The following LRRC8C variants were observed in gnomAD, a reference collection of about 807,000 sequenced individuals.
The protein encoded by LRRC8C is volume-regulated anion channel subunit LRRC8C.
A neutral mutation model predicts 55.3 loss-of-function variants in LRRC8C; 20 were observed. The ratio of observed to expected loss-of-function variants is 0.36; its 90% CI spans 0.25 to 0.53. LRRC8C has a LOEUF of 0.53. Ranked by LOEUF, LRRC8C falls within the 20% of genes least tolerant of loss-of-function variation. The pLI, the probability that LRRC8C is intolerant of heterozygous loss-of-function variation, is 0.92. For missense variants in LRRC8C, 659 were observed against 951.4 expected (o/e 0.69, Z 4.04); for synonymous variants, 376 against 360.7 (o/e 1.04, Z -0.48).
intron 2 of LRRC8C, among the ~76,000 whole-genome samples, chr1:89,693,619 A>ATGTTCCTT (rs1312168378): frequency 8.7e-6 from 1 of 115,050 alleles, no homozygotes; most frequent in Non-Finnish European, 1.8e-5. Context: ...CATCTCAGAT[A>ATGTTCCTT]TGTTCCTTTT....
chr1:89,634,344 G>A (rs1025984267), intron 1 of LRRC8C, among the ~76,000 whole-genome samples: 4 of 151,902 alleles, frequency 2.6e-5, no homozygotes, highest in African/African-American at 7.3e-5. Context: ...TGTTTGGCAC[G>A]GGGAGGCTTG....
intron 2 of LRRC8C, among the ~76,000 whole-genome samples, chr1:89,700,741 A>G (rs1164105310): frequency 1.3e-5 from 2 of 152,206 alleles, no homozygotes; most frequent in Admixed American, 6.5e-5. Flanking sequence ...ATTTGAATCA[A>G]TGAGGTGGAG....
the LRRC8C span, among the ~76,000 whole-genome samples, chr1:89,620,744 A>T: frequency 6.6e-6 from 1 of 152,360 alleles, no homozygotes; most frequent in Non-Finnish European, 1.5e-5. Flanking sequence ...ATTTCACAAG[A>T]TCAGGAGATT....
At chr1:89,619,512 A>C in the LRRC8C span, among the ~76,000 whole-genome samples, 1 of 150,108 alleles carries the variant, frequency 6.7e-6, no homozygotes, top group Non-Finnish European at 1.5e-5. Flanking sequence ...ATTATATGTA[A>C]TATTAATTCA....
chr1:89,646,872 G>T (rs10754283), intron 1 of LRRC8C, among the ~76,000 whole-genome samples: 84,669 of 151,806 alleles, frequency 0.56, 24,023 homozygotes, highest in East Asian at 0.79. Context: ...AAGCAACAAC[G>T]AAAAATAATA....
chr1:89,680,169 C>T (rs1371393467), intron 1 of LRRC8C, among the ~76,000 whole-genome samples: 1 of 151,872 alleles, frequency 6.6e-6, no homozygotes, highest in Non-Finnish European at 1.5e-5. Context: ...GCTCCACCTC[C>T]TGGGTTCACA....
the LRRC8C span, among the ~76,000 whole-genome samples, chr1:89,621,887 T>G: frequency 6.6e-6 from 1 of 152,238 alleles, no homozygotes; most frequent in African/African-American, 2.4e-5. Context: ...ATAACTAGAA[T>G]GTCTCCCTAC....
intron 1 of LRRC8C, among the ~76,000 whole-genome samples, chr1:89,639,147 G>A (rs1452169870): frequency 6.6e-6 from 1 of 151,784 alleles, no homozygotes; most frequent in Non-Finnish European, 1.5e-5. Flanking sequence ...CACCACGTCT[G>A]GCTAATTTTT....
At chr1:89,625,002 G>A in the LRRC8C span, 2 of 152,116 alleles carry the variant, frequency 1.3e-5, no homozygotes, top group Admixed American at 1.3e-4. Flanking sequence ...GAGTTCAATG[G>A]ACAGCTGCTT....
intron 1 of LRRC8C, among the ~76,000 whole-genome samples, chr1:89,636,819 G>A (rs1656297343): frequency 6.6e-6 from 1 of 152,058 alleles, no homozygotes; most frequent in Non-Finnish European, 1.5e-5. Flanking sequence ...CACTCCTAAT[G>A]CTATTTTAAA....
rs944924731 is a variant in LRRC8C at position 89,717,038 on chromosome 1, T to C, written c.*2056T>C. ...TAGACCTGGAATTGAAATAATGTGCTCAGAATAATAACATGGTTATAGTTC... is the reference window on the plus strand; with the variant it reads ...TAGACCTGGAATTGAAATAATGTGCCCAGAATAATAACATGGTTATAGTTC... On this transcript the variant is annotated 3_prime_UTR_variant, in exon 3 of 3. Transcript: ENST00000370454. The C allele has an allele frequency of 6.6e-6, 1 of 152,188 alleles. No individual in the cohort carries two copies. Among genetic ancestry groups the C allele is most frequent in the Non-Finnish European group, 1.5e-5 (1 of 68,020 alleles). 9.4% of individuals were successfully genotyped at this position (152,188 alleles called of 1,614,324 possible).
chr1:89,707,772 G>T (rs945022512), intron 2 of LRRC8C, among the ~76,000 whole-genome samples: 2 of 151,954 alleles, frequency 1.3e-5, no homozygotes, highest in African/African-American at 4.8e-5. Flanking sequence ...TGTATGGCTT[G>T]ACCTAATTTT....
chr1:89,682,505 T>G (rs1231736314), intron 1 of LRRC8C, among the ~76,000 whole-genome samples: 1 of 152,200 alleles, frequency 6.6e-6, no homozygotes, highest in Non-Finnish European at 1.5e-5. Context: ...CATGGAAGCC[T>G]GGCAACCTAG....
At chr1:89,685,074 T>C (rs947977874) in intron 1 of LRRC8C, among the ~76,000 whole-genome samples, 1 of 151,086 alleles carries the variant, frequency 6.6e-6, no homozygotes, top group Non-Finnish European at 1.5e-5. Flanking sequence ...TTTGCTTTTA[T>C]GTGGGATGTT....
At chr1:89,625,150 T>A in the LRRC8C span, 6 of 152,196 alleles carry the variant, frequency 3.9e-5, no homozygotes, top group African/African-American at 1.4e-4. Flanking sequence ...CAGTGATGGA[T>A]CACTTCCTGC....
At chr1:89,681,751 G>A (rs779163623) in intron 1 of LRRC8C, among the ~76,000 whole-genome samples, 2 of 152,144 alleles carry the variant, frequency 1.3e-5, no homozygotes, top group Non-Finnish European at 2.9e-5. Context: ...CGATGACACA[G>A]GGGGATTATG....
At chr1:89,685,003 T>G (rs1657827236) in intron 1 of LRRC8C, among the ~76,000 whole-genome samples, 1 of 151,830 alleles carries the variant, frequency 6.6e-6, no homozygotes, top group Non-Finnish European at 1.5e-5. Flanking sequence ...AAAGTCACAA[T>G]GCAGCAAGAC....
chr1:89,714,142 T>C lies in LRRC8C; in HGVS notation c.1572T>C (p.Ser524=), dbSNP rs373888543. 8.7e-6 allele frequency: 14 copies of C among 1,614,136 alleles called. No homozygotes were observed. The African/African-American group carries it at 1.6e-4, about 18-fold the overall frequency. Residue 524 remains serine, a synonymous_variant, in exon 3 of 3, where the codon TCT becomes TCC. Transcript: ENST00000370454. This position sits in a 1 kb window ranked among gnomAD's most constrained non-coding sequence, Gnocchi z 4.6. Reference sequence around the variant, plus strand: ...TGGAAGAGCTGTACCTAGTTGGCTCTCTAAGTCATGATATTTCCAGAAATG... The same window carrying C: ...TGGAAGAGCTGTACCTAGTTGGCTCCCTAAGTCATGATATTTCCAGAAATG... ...RNLEELYLVG[S]LSHDISRNVT...
rs1436673189 is a variant in LRRC8C, at chr1:89,715,208, C to T, written c.*226C>T. Reference sequence around the variant, plus strand: ...ACACAATGTATCTATTATCTACTGACAGAAAGAGATAGTTCCATTTGGTTT... The same window carrying T: ...ACACAATGTATCTATTATCTACTGATAGAAAGAGATAGTTCCATTTGGTTT... On this transcript the variant is annotated 3_prime_UTR_variant, in exon 3 of 3. Coordinates refer to ENST00000370454, the MANE Select transcript of LRRC8C (RefSeq NM_032270.5). The T allele has an allele frequency of 6.2e-6, 2 of 322,650 alleles. No individual in the cohort carries two copies. Among genetic ancestry groups the T allele is most frequent in the African/African-American group, 4.3e-5 (2 of 46,990 alleles). 20.0% of individuals were successfully genotyped at this position (322,650 alleles called of 1,614,324 possible).
Sources: gnomAD v4.1 joint callset for allele counts (sites outside exome capture counted in the v4.1 genomes callset) on GRCh38, gnomAD v4.1.1 for gene constraint, Gnocchi (gnomAD v3.1) non-coding constraint, MANE v1.5 for transcripts, NCBI Gene and HGNC (gene_info 2026-07-23, HGNC 2026-07-21) for gene names.